Variants in LDLRAD4 observed in about 807,000 individuals in gnomAD.
The protein encoded by LDLRAD4 is low-density lipoprotein receptor class A domain-containing protein 4.
LDLRAD4 carries 5 observed loss-of-function variants against 17.0 expected under a neutral mutation model. That is an observed-to-expected ratio of 0.29 (90% CI 0.15 to 0.62). The LOEUF is 0.62. Among genes scored for constraint, LDLRAD4 ranks in the 20% least tolerant of loss-of-function variants. The pLI is 0.84. For missense variants in LDLRAD4, 340 were observed against 424.7 expected (o/e 0.80, Z 1.75); for synonymous variants, 168 against 171.8 (o/e 0.98, Z 0.17).
intron 3 of LDLRAD4, among the ~76,000 whole-genome samples, chr18:13,620,334 C>T (rs932040654): frequency 9.2e-5 from 14 of 152,358 alleles, no homozygotes; most frequent in Admixed American, 3.9e-4. Context: ...TTAGCATCCC[C>T]GAGCCCCTTG....
chr18:13,456,061 G>A (rs950165677), intron 3 of LDLRAD4, among the ~76,000 whole-genome samples: 2 of 152,172 alleles, frequency 1.3e-5, no homozygotes, highest in Admixed American at 6.5e-5. Flanking sequence ...TGGAGGAGAA[G>A]TGAATGTGTC....
intron 1 of LDLRAD4, among the ~76,000 whole-genome samples, chr18:13,339,835 A>G (rs2144015769): frequency 6.6e-6 from 1 of 152,332 alleles, no homozygotes; most frequent in East Asian, 1.9e-4. Context: ...GTACAGTGTC[A>G]TGACATTACG....
rs556320080 is a variant in LDLRAD4 at position 13,243,126 on chromosome 18, G to A, written c.-467+24138G>A. The stretch of plus-strand genomic sequence containing the variant: ...GACTCCAGCTGATCTTAGTTTTCCA[G>A]TCAGGCCATGTTTTCTTTGGGAGTG... On this transcript the variant is annotated intron_variant, in intron 1 of 5. Transcript: ENST00000399848. Among the ~76,000 whole-genome samples the A allele has an allele frequency of 3.3e-5, 5 of 152,378 alleles. No individual in the cohort carries two copies. The South Asian group carries it at 1.0e-3, about 32-fold the overall frequency.
chr18:13,567,102 C>T (rs1403174432), intron 3 of LDLRAD4, among the ~76,000 whole-genome samples: 2 of 152,222 alleles, frequency 1.3e-5, no homozygotes, highest in Non-Finnish European at 2.9e-5. Context: ...TGTCACTGAC[C>T]TCATCCTCAT....
At chr18:13,437,977 T>G (rs1487052362) in intron 2 of LDLRAD4, among the ~76,000 whole-genome samples, 2 of 152,178 alleles carry the variant, frequency 1.3e-5, no homozygotes, top group Non-Finnish European at 2.9e-5. Context: ...TGTGCTACTG[T>G]GTGGGCAGTG....
chr18:13,435,780 G>T (rs541844132), intron 2 of LDLRAD4, among the ~76,000 whole-genome samples: 12 of 152,176 alleles, frequency 7.9e-5, no homozygotes, highest in Non-Finnish European at 1.5e-4. Context: ...TGTTGTTTCC[G>T]TTATCTAAGA....
chr18:13,485,370 C>T (rs532900724), intron 3 of LDLRAD4, among the ~76,000 whole-genome samples: 2 of 152,352 alleles, frequency 1.3e-5, no homozygotes, highest in African/African-American at 2.4e-5. Context: ...CCTCAGCCAC[C>T]AGGCTGGGAA....
chr18:13,547,705 CG>C (rs1261610546), intron 3 of LDLRAD4, among the ~76,000 whole-genome samples: 4 of 152,108 alleles, frequency 2.6e-5, no homozygotes, highest in Non-Finnish European at 2.9e-5. Context: ...CTGTGGACAC[CG>C]GGGAAGATGG....
At chr18:13,459,159 C>CA (rs534798084) in intron 3 of LDLRAD4, among the ~76,000 whole-genome samples, 1,406 of 53,670 alleles carry the variant, frequency 0.026, 150 homozygotes, top group Non-Finnish European at 0.039. Flanking sequence ...ATCTCTACAC[C>CA]AAAAAAAAAA....
chr18:13,477,369 T>C lies in LDLRAD4; in HGVS notation c.181+38985T>C, dbSNP rs116262931. The stretch of plus-strand genomic sequence containing the variant: ...CGAGAAAGCATCCAGCAGCAGGTCC[T>C]CTGTGGCCACCCAGCTGCCTCCATG... On this transcript the variant is annotated intron_variant, in intron 3 of 5. Transcript: ENST00000359446. Among the ~76,000 whole-genome samples the C allele has an allele frequency of 3.4e-3, 521 of 152,200 alleles. 4 individuals are homozygous for C. The highest frequency in any genetic ancestry group is 0.012 in the African/African-American group (492 of 41,542).
At chr18:13,640,080 A>T (rs1420285004) in intron 4 of LDLRAD4, among the ~76,000 whole-genome samples, 1 of 152,122 alleles carries the variant, frequency 6.6e-6, no homozygotes. Context: ...AGGTCAGGAG[A>T]TCGAGAGGAT....
At chr18:13,418,473 C>G (rs1206857166) in intron 2 of LDLRAD4, among the ~76,000 whole-genome samples, 1 of 152,366 alleles carries the variant, frequency 6.6e-6, no homozygotes, top group South Asian at 2.1e-4. Flanking sequence ...TGTTGCTGCC[C>G]TGAAGACTCT....
chr18:13,416,931 G>A (rs966882264), intron 2 of LDLRAD4, among the ~76,000 whole-genome samples: 1 of 152,148 alleles, frequency 6.6e-6, no homozygotes, highest in African/African-American at 2.4e-5. Context: ...TCATAGCAAC[G>A]TGTGAGGTAG....
At chr18:13,392,137 C>G (rs2086320839) in intron 2 of LDLRAD4, among the ~76,000 whole-genome samples, 1 of 152,246 alleles carries the variant, frequency 6.6e-6, no homozygotes, top group Admixed American at 6.5e-5. Context: ...ACTTTTGAGG[C>G]TGTGCTGAAA....
chr18:13,489,576 C>T (rs1286069316), intron 3 of LDLRAD4: 2 of 152,328 alleles, frequency 1.3e-5, no homozygotes, highest in Admixed American at 6.5e-5. Context: ...TCAAATCCAG[C>T]TCTGCACTGG....
chr18:13,434,070 C>G (rs2090507381), intron 2 of LDLRAD4, among the ~76,000 whole-genome samples: 1 of 152,110 alleles, frequency 6.6e-6, no homozygotes, highest in Admixed American at 6.5e-5. Context: ...AGGTCCCTCT[C>G]AGCATTAAGA....
chr18:13,555,361 G>A (rs12162199), intron 3 of LDLRAD4, among the ~76,000 whole-genome samples: 4,271 of 152,290 alleles, frequency 0.028, 106 homozygotes, highest in South Asian at 0.13. Context: ...TACATTTTAA[G>A]TCTGATTGCA....
chr18:13,370,718 T>TTTTTTTTTTTGTTG (rs1474920109), intron 1 of LDLRAD4, among the ~76,000 whole-genome samples: 1 of 143,240 alleles, frequency 7.0e-6, no homozygotes, highest in Non-Finnish European at 1.5e-5. Context: ...GTTTTGTTTT[T>TTTTTTTTTTTGTTG]TTTTTTTTTT....
chr18:13,333,986 C>G (rs908265251), intron 1 of LDLRAD4, among the ~76,000 whole-genome samples: 51 of 152,158 alleles, frequency 3.4e-4, no homozygotes, highest in Admixed American at 3.3e-3. Context: ...ATTGATGAAG[C>G]TGGGAAGAAC....
Sources: allele counts gnomAD v4.1 joint callset (sites outside exome capture counted in the v4.1 genomes callset), GRCh38; gene constraint gnomAD v4.1.1; transcripts MANE v1.5; gene names NCBI Gene and HGNC (gene_info 2026-07-23, HGNC 2026-07-21).